WIPF3: variants seen among roughly 807,000 people sequenced by gnomAD.
The protein encoded by WIPF3 is WAS/WASL interacting protein family member 3.
In WIPF3, 33 loss-of-function variants were observed where a neutral mutation model predicts 38.9. The ratio of observed to expected loss-of-function variants is 0.85; its 90% CI spans 0.64 to 1.14. The LOEUF is 1.14. Ranked by LOEUF, WIPF3 falls within the 50% of genes most tolerant of loss-of-function variation. The pLI, the probability that WIPF3 is intolerant of heterozygous loss-of-function variation, is 0.00. For synonymous variants in WIPF3, 324 were observed against 269.3 expected, an observed-to-expected ratio of 1.20 and a Z score of -1.99; for missense variants, 711 against 652.5, an observed-to-expected ratio of 1.09 and a Z score of -0.98.
intron 2 of WIPF3, among the ~76,000 whole-genome samples, chr7:29,836,968 G>A (rs2128065841): frequency 6.6e-6 from 1 of 152,152 alleles, no homozygotes; most frequent in Admixed American, 6.5e-5. Context: ...TCCAGCCTGG[G>A]TGACAGAGTG....
chr7:29,813,156 A>G (rs1784405997), intron 1 of WIPF3, among the ~76,000 whole-genome samples: 1 of 152,070 alleles, frequency 6.6e-6, no homozygotes, highest in African/African-American at 2.4e-5. Context: ...CAGACATCCA[A>G]TCTGATTTCC....
rs779073947 is a variant in WIPF3, at chr7:29,884,258, TGCACCTCCC to T, written c.767_775del (p.His256_Pro258del). The T allele has an allele frequency of 2.0e-6, 3 of 1,531,172 alleles. No individual in the cohort carries two copies. The South Asian group carries it at 3.6e-5, about 19-fold the overall frequency. The allele number at this position is 1,531,172 out of a possible 1,614,324, so 94.8% of individuals were successfully genotyped here. A position where few individuals can be genotyped will look rare whatever the true frequency, so the allele number is the denominator to read the frequency against. On this transcript the variant is annotated inframe_deletion, in exon 5 of 9. Coordinates refer to ENST00000242140, the MANE Select transcript of WIPF3 (RefSeq NM_001080529.3). Reference sequence around the variant, plus strand: ...GCAGTGAAGCCTCAGCTGGCTCCCTTGCACCTCCCGCCCATCCCGCCCCCGCTCCCTCTG... The same window carrying T: ...GCAGTGAAGCCTCAGCTGGCTCCCTTGCCCATCCCGCCCCCGCTCCCTCTG...
At chr7:29,876,418 A>G (rs928704714) in intron 3 of WIPF3, among the ~76,000 whole-genome samples, 11 of 152,226 alleles carry the variant, frequency 7.2e-5, no homozygotes, top group Admixed American at 2.0e-4. Context: ...TGCCAACCCA[A>G]TCTACTTTCT....
At chr7:29,830,928 A>T (rs1252410759) in intron 1 of WIPF3, among the ~76,000 whole-genome samples, 3 of 152,186 alleles carry the variant, frequency 2.0e-5, no homozygotes, top group Non-Finnish European at 4.4e-5. Context: ...TGTACTCACG[A>T]AAGTGTATTT....
At chr7:29,816,657 C>G (rs1784463123) in intron 1 of WIPF3, among the ~76,000 whole-genome samples, 1 of 152,054 alleles carries the variant, frequency 6.6e-6, no homozygotes, top group African/African-American at 2.4e-5. Context: ...TTTCTGCTGC[C>G]TGCTTTTTTC....
intron 1 of WIPF3, among the ~76,000 whole-genome samples, chr7:29,834,092 G>T (rs1784761783): frequency 6.6e-6 from 1 of 152,164 alleles, no homozygotes; most frequent in South Asian, 2.1e-4. Flanking sequence ...CATCCAGATG[G>T]CTGGGTAGAA....
chr7:29,822,995 T>C (rs976810776), intron 1 of WIPF3, among the ~76,000 whole-genome samples: 2 of 152,202 alleles, frequency 1.3e-5, no homozygotes, highest in African/African-American at 4.8e-5. Context: ...AAAAATTACA[T>C]TTGGAAAAAC....
chr7:29,827,558 C>T (rs181872382), intron 1 of WIPF3, among the ~76,000 whole-genome samples: 3 of 152,058 alleles, frequency 2.0e-5, no homozygotes, highest in African/African-American at 7.2e-5. Flanking sequence ...GAATGATGGA[C>T]GCTTAGAGGT....
chr7:29,880,322 G>T (rs1436826505), intron 4 of WIPF3, among the ~76,000 whole-genome samples: 2 of 152,142 alleles, frequency 1.3e-5, no homozygotes, highest in Non-Finnish European at 2.9e-5. Flanking sequence ...AATGTTATGG[G>T]ATGATTATGC....
intron 1 of WIPF3, among the ~76,000 whole-genome samples, chr7:29,817,791 A>C (rs1023201020): frequency 1.3e-5 from 2 of 152,088 alleles, no homozygotes; most frequent in Non-Finnish European, 2.9e-5. Context: ...TTATTTTTCC[A>C]TGTAAACTTT....
intron 2 of WIPF3, among the ~76,000 whole-genome samples, chr7:29,858,227 A>G (rs767155129): frequency 1.4e-4 from 21 of 152,210 alleles, no homozygotes; most frequent in African/African-American, 4.1e-4. Flanking sequence ...TTGATATTCT[A>G]TTTCTCAGAG....
chr7:29,879,098 G>A lies in WIPF3; in HGVS notation c.313G>A (p.Gly105Ser), dbSNP rs1785665600. The A allele has an allele frequency of 6.2e-7, 1 of 1,612,446 alleles. No homozygotes were observed. The highest frequency in any genetic ancestry group is 8.5e-7 in the Non-Finnish European group (1 of 1,179,384). ...CACCCTGGGAGATCTGTTTGCTGGT[G>A]GCTTTCCTGTATTGCGACCAGCAGG... ...PPTLGDLFAGGFPVLRPAGQR... is the reference protein window; with the variant it reads ...PPTLGDLFAGSFPVLRPAGQR... Residue 105 changes from glycine to serine, a missense_variant, in exon 4 of 9, where the codon GGC becomes AGC. Transcript: ENST00000242140.
rs942541190 is a variant in WIPF3 at position 29,904,217 on chromosome 7, T to G, written c.1352-69T>G. 4 of 1,496,460 alleles carry G rather than the reference T, an allele frequency of 2.7e-6. No homozygotes were observed. In the Admixed American group the frequency reaches 6.9e-5, roughly 26 times the overall value. The allele number at this position is 1,496,460 out of a possible 1,614,324, so 92.7% of individuals were successfully genotyped here. A position where few individuals can be genotyped will look rare whatever the true frequency, so the allele number is the denominator to read the frequency against. On this transcript the variant is annotated intron_variant, in intron 7 of 8. Transcript: ENST00000242140. The stretch of plus-strand genomic sequence containing the variant: ...GTTTTAAGTGCTGATTTAGAGAAAG[T>G]TTCTCTGTGAAACATGCACACCCGG...
At chr7:29,887,507 G>A (rs1038425587) in intron 5 of WIPF3, among the ~76,000 whole-genome samples, 2 of 152,196 alleles carry the variant, frequency 1.3e-5, no homozygotes, top group Non-Finnish European at 2.9e-5. Context: ...TTCAAGTTAG[G>A]CCCTGGAGGG....
At chr7:29,807,949 C>A (rs953781150) in intron 1 of WIPF3, among the ~76,000 whole-genome samples, 1 of 152,154 alleles carries the variant, frequency 6.6e-6, no homozygotes, top group African/African-American at 2.4e-5. Context: ...GGGACTCCTG[C>A]CTCCCTTCAA....
At chr7:29,882,018 C>T (rs1201176057) in intron 4 of WIPF3, among the ~76,000 whole-genome samples, 1 of 152,238 alleles carries the variant, frequency 6.6e-6, no homozygotes, top group Admixed American at 6.5e-5. Context: ...ACCATCAGCC[C>T]CTTTCTCCTC....
intron 1 of WIPF3, among the ~76,000 whole-genome samples, chr7:29,818,947 C>T (rs1474890965): frequency 6.6e-6 from 1 of 152,160 alleles, no homozygotes; most frequent in African/African-American, 2.4e-5. Flanking sequence ...AACATCTTTG[C>T]ATTTAAACCC....
chr7:29,901,545 C>G (rs1186492773), intron 7 of WIPF3, among the ~76,000 whole-genome samples: 1 of 151,852 alleles, frequency 6.6e-6, no homozygotes, highest in Admixed American at 6.6e-5. Context: ...AATCCCGACA[C>G]TTTGGGAGGC....
At chr7:29,901,847 AAAG>A (rs1271051214) in intron 7 of WIPF3, among the ~76,000 whole-genome samples, 48 of 28,266 alleles carry the variant, frequency 1.7e-3, no homozygotes, top group African/African-American at 2.7e-3. Context: ...AAAAAAAAAA[AAAG>A]AAAGAAAGAA....
Sources: allele counts gnomAD v4.1 joint callset (sites outside exome capture counted in the v4.1 genomes callset), GRCh38; gene constraint gnomAD v4.1.1; transcripts MANE v1.5; gene names NCBI Gene and HGNC (gene_info 2026-07-23, HGNC 2026-07-21).